WDR70: variants seen among roughly 807,000 people sequenced by gnomAD.
The protein encoded by WDR70 is WD repeat-containing protein 70.
WDR70 carries 53 observed loss-of-function variants against 88.6 expected under a neutral mutation model. That is an observed-to-expected ratio of 0.60 (90% CI 0.48 to 0.75). WDR70 has a LOEUF of 0.75. Ranked by LOEUF, WDR70 falls within the 30% of genes least tolerant of loss-of-function variation. The pLI is 0.00. For synonymous variants in WDR70, 280 were observed against 270.0 expected, an observed-to-expected ratio of 1.04 and a Z score of -0.36; for missense variants, 610 against 823.2, an observed-to-expected ratio of 0.74 and a Z score of 3.17.
chr5:37,732,811 G>A (rs771514973), intron 17 of WDR70, among the ~76,000 whole-genome samples: 28 of 151,820 alleles, frequency 1.8e-4, no homozygotes, highest in Non-Finnish European at 2.9e-4. Flanking sequence ...TTTGTTTATG[G>A]CGTTTTTCTC....
chr5:37,602,315 C>A (rs189123773), intron 9 of WDR70, among the ~76,000 whole-genome samples: 21 of 144,678 alleles, frequency 1.5e-4, no homozygotes, highest in Admixed American at 1.4e-3. Flanking sequence ...GATCAGTACA[C>A]TGAAAACTAT....
At chr5:37,747,466 A>G (rs1748667048) in intron 17 of WDR70, among the ~76,000 whole-genome samples, 1 of 152,202 alleles carries the variant, frequency 6.6e-6, no homozygotes, top group South Asian at 2.1e-4. Flanking sequence ...CATTTTAAAA[A>G]CTGTCAATAA....
intron 12 of WDR70, among the ~76,000 whole-genome samples, chr5:37,701,658 T>C (rs1581510710): frequency 6.6e-6 from 1 of 151,748 alleles, no homozygotes; most frequent in Non-Finnish European, 1.5e-5. Flanking sequence ...TGGTGGCGGG[T>C]GCCTGTAGTC....
chr5:37,410,165 G>A (rs1360772241), intron 5 of WDR70, among the ~76,000 whole-genome samples: 1 of 146,076 alleles, frequency 6.8e-6, no homozygotes, highest in Non-Finnish European at 1.5e-5. Context: ...ACAGGCGAAT[G>A]TGAGTCCACC....
intron 10 of WDR70, among the ~76,000 whole-genome samples, chr5:37,643,987 G>A (rs1046312671): frequency 1.3e-5 from 2 of 151,646 alleles, no homozygotes; most frequent in African/African-American, 4.8e-5. Flanking sequence ...TTTTTCACTT[G>A]TCTAATTGCT....
At chr5:37,481,562 A>C (rs1387117425) in intron 8 of WDR70, among the ~76,000 whole-genome samples, 1 of 151,992 alleles carries the variant, frequency 6.6e-6, no homozygotes, top group African/African-American at 2.4e-5. Context: ...TAGGGCACCA[A>C]GTTACTAGGC....
At chr5:37,619,750 T>G (rs1751644670) in intron 10 of WDR70, among the ~76,000 whole-genome samples, 1 of 151,934 alleles carries the variant, frequency 6.6e-6, no homozygotes, top group Non-Finnish European at 1.5e-5. Context: ...GTTTTTTTTT[T>G]GTTTTGTTTT....
chr5:37,393,334 C>G (rs537160179), intron 4 of WDR70, among the ~76,000 whole-genome samples: 1 of 152,158 alleles, frequency 6.6e-6, no homozygotes, highest in Non-Finnish European at 1.5e-5. Context: ...GTCACCGCGC[C>G]CAGCGTTATT....
At chr5:37,543,715 T>C (rs764912405) in intron 9 of WDR70, among the ~76,000 whole-genome samples, 3 of 147,622 alleles carry the variant, frequency 2.0e-5, no homozygotes, top group Non-Finnish European at 4.4e-5. Context: ...AAAGCTGAAT[T>C]TGAGATAGAG....
intron 15 of WDR70, 35 bp downstream of exon 15, chr5:37,722,969 C>G (rs747641795): frequency 1.5e-5 from 24 of 1,605,976 alleles, no homozygotes; most frequent in Non-Finnish European, 2.0e-5. Context: ...TCATGCATCT[C>G]TCTTCTACTC....
intron 5 of WDR70, among the ~76,000 whole-genome samples, chr5:37,414,482 C>G (rs1157251999): frequency 6.6e-6 from 1 of 152,182 alleles, no homozygotes; most frequent in Non-Finnish European, 1.5e-5. Context: ...GTCCCCCCTG[C>G]TCCCCATCCC....
chr5:37,671,909 G>A (rs1041411293), intron 10 of WDR70, among the ~76,000 whole-genome samples: 2 of 152,170 alleles, frequency 1.3e-5, no homozygotes, highest in Admixed American at 1.3e-4. Flanking sequence ...TAGGGAAAAA[G>A]AGATCAGACT....
chr5:37,629,314 C>T (rs1307769584), intron 10 of WDR70, among the ~76,000 whole-genome samples: 2 of 152,136 alleles, frequency 1.3e-5, no homozygotes, highest in Non-Finnish European at 2.9e-5. Flanking sequence ...CCTAAATGCT[C>T]ATCTCTCTCC....
chr5:37,561,300 A>AT (rs1386002612), intron 9 of WDR70, among the ~76,000 whole-genome samples: 2 of 152,210 alleles, frequency 1.3e-5, no homozygotes, highest in African/African-American at 4.8e-5. Flanking sequence ...TGCTAGAAAA[A>AT]TGGACCGATC....
At chr5:37,722,116 G>T (rs1462799122) in intron 14 of WDR70, 1 of 152,096 alleles carries the variant, frequency 6.6e-6, no homozygotes. Flanking sequence ...TATATTTATG[G>T]TATTTGAAAA....
intron 7 of WDR70, among the ~76,000 whole-genome samples, chr5:37,477,172 A>G (rs148439465): frequency 1.7e-4 from 26 of 152,282 alleles, no homozygotes; most frequent in African/African-American, 5.5e-4. Flanking sequence ...TCTTCATGCC[A>G]TACTCTGTGC....
chr5:37,523,662 T>A (rs1468274946), intron 9 of WDR70, among the ~76,000 whole-genome samples: 8 of 152,160 alleles, frequency 5.3e-5, no homozygotes, highest in Non-Finnish European at 1.5e-5. Context: ...TAAGAAGGCT[T>A]CAGACGATCA....
At chr5:37,721,005 A>G (rs1747794572) in intron 13 of WDR70, 110 bp from the exon 14 acceptor site, 2 of 887,214 alleles carry the variant, frequency 2.3e-6, no homozygotes, top group African/African-American at 1.7e-5. Context: ...AGTTAGAGGT[A>G]AACCATCAGG....
chr5:37,613,993 G>A (rs887925350), intron 10 of WDR70, among the ~76,000 whole-genome samples: 9 of 152,134 alleles, frequency 5.9e-5, no homozygotes, highest in African/African-American at 1.9e-4. Flanking sequence ...GCTAAGAATG[G>A]TTTTTACATT....
Sources: allele counts gnomAD v4.1 joint callset (sites outside exome capture counted in the v4.1 genomes callset), GRCh38; gene constraint gnomAD v4.1.1; transcripts MANE v1.5; gene names NCBI Gene and HGNC (gene_info 2026-07-23, HGNC 2026-07-21).